Variants in TRAF1 observed in about 807,000 individuals in gnomAD.
TRAF1 encodes the protein TNF receptor associated factor 1.
TRAF1 carries 23 observed loss-of-function variants against 40.9 expected under a neutral mutation model. The ratio of observed to expected loss-of-function variants is 0.56; its 90% CI spans 0.40 to 0.80. TRAF1 has a LOEUF of 0.80. Among genes scored for constraint, TRAF1 ranks in the 30% least tolerant of loss-of-function variants. The probability of loss-of-function intolerance (pLI) is 0.00; values close to 1 mark genes in which losing one functional copy is unlikely to be tolerated. For missense variants in TRAF1, 477 were observed against 528.7 expected, an observed-to-expected ratio of 0.90 and a Z score of 0.96; for synonymous variants, 206 against 218.8, an observed-to-expected ratio of 0.94 and a Z score of 0.52.
chr9:120,925,271 GTATC>G (rs2046631677), intron 2 of TRAF1, among the ~76,000 whole-genome samples: 1 of 152,208 alleles, frequency 6.6e-6, no homozygotes, highest in South Asian at 2.1e-4. Context: ...GATCATAATA[GTATC>G]CACCCCTCTA....
rs777903317 is a variant in TRAF1, at chr9:120,925,926, A to G, written c.140+10T>C. On this transcript the variant is annotated intron_variant, in intron 2 of 7. Coordinates refer to ENST00000373887, the MANE Select transcript of TRAF1 (RefSeq NM_005658.5). ...CTTTCTGCCCACCCTCCGCTCCTCC[A>G]TCACCTCACCTCGGGTTCTCAGAGA... is the stretch of plus-strand genomic sequence containing the variant. 2.5e-6 allele frequency: 4 copies of G among 1,613,664 alleles called. No homozygotes were observed. Among genetic ancestry groups the G allele is most frequent in the East Asian group, 2.2e-5 (1 of 44,858 alleles).
At chr9:120,925,900 A>G (rs1310930315) in intron 2 of TRAF1, 36 bp downstream of exon 2, 4 of 1,612,166 alleles carry the variant, frequency 2.5e-6, no homozygotes, top group Admixed American at 1.7e-5. Context: ...CCTGGCACCC[A>G]CTTTCTGCCC....
At position 120,925,918 on chromosome 9, in the gene TRAF1, G is replaced by A. The variant is rs571868856; in HGVS notation, c.140+18C>T. On this transcript the variant is annotated intron_variant, in intron 2 of 7. Transcript: ENST00000373887. Reference sequence around the variant, plus strand: ...GGCACCCACTTTCTGCCCACCCTCCGCTCCTCCATCACCTCACCTCGGGTT... The same window carrying A: ...GGCACCCACTTTCTGCCCACCCTCCACTCCTCCATCACCTCACCTCGGGTT... 2.0e-5 allele frequency: 32 copies of A among 1,613,272 alleles called. No individual in the cohort carries two copies. Among genetic ancestry groups the A allele is most frequent in the Admixed American group, 6.7e-5 (4 of 59,966 alleles).
rs558809680 is a variant in TRAF1 at position 120,903,158 on chromosome 9, G to A, written c.*1862C>T. ...TCCAGCTGTCAGCAGGAAGAAGTCA[G>A]TCTCCACTGCCTCCACAGTCTCCGC... On this transcript the variant is annotated 3_prime_UTR_variant, in exon 8 of 8. Transcript: ENST00000373887. 6.6e-6 allele frequency: 1 copy of A among 152,426 alleles called. No individual in the cohort carries two copies. Among genetic ancestry groups the A allele is most frequent in the Non-Finnish European group, 1.5e-5 (1 of 68,076 alleles). 9.4% of individuals were successfully genotyped at this position (152,426 alleles called of 1,614,324 possible).
In TRAF1 at chr9:120,903,643, TG is replaced by T. The variant is rs1278485642; in HGVS notation, c.*1376del. On this transcript the variant is annotated 3_prime_UTR_variant, in exon 8 of 8. Transcript: ENST00000373887. ...ACTTGTCTCAGGGTCTTTGGAAAGTTGGGTGTGGCCTCCAAGGTGAGAAGAT... is the reference window on the plus strand; with the variant it reads ...ACTTGTCTCAGGGTCTTTGGAAAGTTGGTGTGGCCTCCAAGGTGAGAAGAT... The T allele has an allele frequency of 1.3e-5, 2 of 152,416 alleles. No individual in the cohort carries two copies. The highest frequency in any genetic ancestry group is 1.3e-4 in the Admixed American group (2 of 15,272). 9.4% of individuals were successfully genotyped at this position (152,416 alleles called of 1,614,324 possible). A position where few individuals can be genotyped will look rare whatever the true frequency, so the allele number is the denominator to read the frequency against.
At chr9:120,905,321 T>G in intron 7 of TRAF1, 83 bp from the exon 8 acceptor site, 2 of 1,388,356 alleles carry the variant, frequency 1.4e-6, no homozygotes, top group Non-Finnish European at 2.0e-6. Context: ...AGAGCTGTGC[T>G]CCACACCTAC....
chr9:120,909,106 G>A, intron 7 of TRAF1, 124 bp downstream of exon 7: 1 of 1,242,692 alleles, frequency 8.0e-7, no homozygotes, highest in Non-Finnish European at 1.1e-6. Context: ...TATAAAAAGG[G>A]AAACTGATAA....
At chr9:120,908,209 A>T (rs1466980698) in intron 7 of TRAF1, among the ~76,000 whole-genome samples, 1 of 152,178 alleles carries the variant, frequency 6.6e-6, no homozygotes, top group Non-Finnish European at 1.5e-5. Flanking sequence ...CCAGAAAATA[A>T]GCTAAGCTAT....
intron 3 of TRAF1, among the ~76,000 whole-genome samples, chr9:120,919,737 G>T (rs1002740676): frequency 6.6e-6 from 1 of 152,206 alleles, no homozygotes; most frequent in Admixed American, 6.5e-5. Flanking sequence ...AGGAAGCCCT[G>T]CCTGATTCTC....
rs2046463194 is a variant in TRAF1, at chr9:120,904,392, T to G, written c.*628A>C. Reference sequence around the variant, plus strand: ...TGAATGTTTCCAGAACCCCTGTAGCTCTAGGACTCACCTGGGCCAGGAGGC... The same window carrying G: ...TGAATGTTTCCAGAACCCCTGTAGCGCTAGGACTCACCTGGGCCAGGAGGC... On this transcript the variant is annotated 3_prime_UTR_variant, in exon 8 of 8. Transcript: ENST00000373887. 6.5e-6 allele frequency: 1 copy of G among 153,416 alleles called. No individual in the cohort carries two copies. Among genetic ancestry groups the G allele is most frequent in the Admixed American group, 6.5e-5 (1 of 15,426 alleles). The allele number at this position is 153,416 out of a possible 1,614,324, so 9.5% of individuals were successfully genotyped here. A position where few individuals can be genotyped will look rare whatever the true frequency, so the allele number is the denominator to read the frequency against.
chr9:120,911,113 G>T (rs2046522737), intron 6 of TRAF1, among the ~76,000 whole-genome samples: 1 of 152,260 alleles, frequency 6.6e-6, no homozygotes, highest in East Asian at 1.9e-4. Flanking sequence ...GTCAGCTGGG[G>T]CCACCGCTAT....
At position 120,914,215 on chromosome 9, in the gene TRAF1, T is replaced by C; in HGVS notation, c.294+20A>G. The C allele has an allele frequency of 6.7e-7, 1 of 1,495,810 alleles. No individual in the cohort carries two copies. Among genetic ancestry groups the C allele is most frequent in the Non-Finnish European group, 9.0e-7 (1 of 1,109,666 alleles). The allele number at this position is 1,495,810 out of a possible 1,614,324, so 92.7% of individuals were successfully genotyped here. A position where few individuals can be genotyped will look rare whatever the true frequency, so the allele number is the denominator to read the frequency against. On this transcript the variant is annotated intron_variant, in intron 4 of 7. Transcript: ENST00000373887. ...GGAACCATAGTGGATAGATCTCCTTTCTCACACTCAGATGCTTACCTTGAA... is the reference window on the plus strand; with the variant it reads ...GGAACCATAGTGGATAGATCTCCTTCCTCACACTCAGATGCTTACCTTGAA...
chr9:120,926,236 C>T lies in TRAF1; in HGVS notation c.-161G>A, dbSNP rs998782386. The stretch of plus-strand genomic sequence containing the variant: ...GTGTGGTTCAACGTCACAGCTGAGT[C>T]ACAGCAGGGATGGAGCAGGAATTAC... On this transcript the variant is annotated 5_prime_UTR_variant, in exon 2 of 8. Transcript: ENST00000373887. 7 of 734,398 alleles carry T rather than the reference C, an allele frequency of 9.5e-6. No homozygotes were observed. Among genetic ancestry groups the T allele is most frequent in the African/African-American group, 9.2e-5 (5 of 54,174 alleles). 45.5% of individuals were successfully genotyped at this position (734,398 alleles called of 1,614,324 possible).
rs143118846 is a variant in TRAF1, at chr9:120,909,514, G to A, written c.884-136C>T. 2.9e-3 allele frequency: 2,981 copies of A among 1,035,606 alleles called. 5 individuals carry two copies. Among genetic ancestry groups the A allele is most frequent in the Non-Finnish European group, 3.7e-3 (2,649 of 716,830 alleles). 64.2% of individuals were successfully genotyped at this position (1,035,606 alleles called of 1,614,324 possible). On this transcript the variant is annotated intron_variant, in intron 6 of 7. Transcript: ENST00000373887. ...GGGGTTAGAACCCAGCATTCTTCTC[G>A]AGTAGGGTGTCAGACAGGAATGGGC...
intron 7 of TRAF1, among the ~76,000 whole-genome samples, chr9:120,906,150 C>A (rs1411984654): frequency 6.6e-6 from 1 of 151,498 alleles, no homozygotes; most frequent in Admixed American, 6.6e-5. Flanking sequence ...ATCCCCCAAA[C>A]CCCTCTATAA....
intron 7 of TRAF1, among the ~76,000 whole-genome samples, chr9:120,905,934 C>T (rs2046477705): frequency 6.6e-6 from 1 of 152,224 alleles, no homozygotes; most frequent in South Asian, 2.1e-4. Context: ...CAGGCCTTAT[C>T]ACTTACGGGG....
At chr9:120,913,274 G>T in intron 5 of TRAF1, 54 bp downstream of exon 5, 1 of 1,537,050 alleles carries the variant, frequency 6.5e-7, no homozygotes, top group South Asian at 1.3e-5. Context: ...TGCCGCTCTG[G>T]AGACAGGATG....
chr9:120,905,091 G>A lies in TRAF1; in HGVS notation c.1180C>T (p.Gln394Ter). 2 of 1,614,282 alleles carry A rather than the reference G, an allele frequency of 1.2e-6. No individual in the cohort carries two copies. The highest frequency in any genetic ancestry group is 1.3e-5 in the African/African-American group (1 of 75,078). ...TTCACGTAGGCGTGCTTGGGTGACT[G>A]CAGTTTGCTGAGGGGGAAGAAGAGT... ...CPLFFPLSKLQSPKHAYVKDD... is the reference protein window; with the variant it reads ...CPLFFPLSKL The change falls in exon 8 of 8, where the codon CAG becomes TAG. Residue 394 changes from glutamine (Q) to a stop codon, truncating the protein, a stop_gained. Coordinates refer to ENST00000373887, the MANE Select transcript of TRAF1 (RefSeq NM_005658.5). LOFTEE classifies it high-confidence loss of function.
Position 120,913,413 on chromosome 9 carries a change from T to A in TRAF1, c.620A>T (p.Glu207Val), listed in dbSNP as rs770449416. Residue 207 changes from glutamate to valine, a missense_variant, in exon 5 of 8, where the codon GAG becomes GTG. Glu to Val is a moderately radical substitution (Grantham distance 121). Transcript: ENST00000373887. ...FENIVAVLNK[E>V]VEASHLALAT... ...CAGGGCCAGGTGGGAGGCCTCCACC[T>A]CCTTGTTGAGGACAGCAACAATGTT... is the stretch of plus-strand genomic sequence containing the variant. 6.2e-7 allele frequency: 1 copy of A among 1,613,880 alleles called. No homozygotes were observed. The highest frequency in any genetic ancestry group is 8.5e-7 in the Non-Finnish European group (1 of 1,179,992).
Sources: gnomAD v4.1 joint callset for allele counts (sites outside exome capture counted in the v4.1 genomes callset) on GRCh38, gnomAD v4.1.1 for gene constraint, MANE v1.5 for transcripts, NCBI Gene and HGNC (gene_info 2026-07-23, HGNC 2026-07-21) for gene names.